Variants in PRX observed in about 807,000 individuals in gnomAD.
PRX encodes the protein periaxin.
PRX carries 24 observed loss-of-function variants against 29.6 expected under a neutral mutation model. The observed-to-expected ratio is 0.81, with a 90% confidence interval of 0.59 to 1.14. PRX has a LOEUF of 1.14. Ranked by LOEUF, PRX falls within the 50% of genes most tolerant of loss-of-function variation. The pLI is 0.00. For missense variants in PRX, 1,838 were observed against 1,926.4 expected, an observed-to-expected ratio of 0.95 and a Z score of 0.86; for synonymous variants, 772 against 831.7, an observed-to-expected ratio of 0.93 and a Z score of 1.24.
rs937051533 is a variant in PRX, at chr19:40,395,162, G to C, written c.3190C>G (p.Pro1064Ala). Residue 1064 changes from proline (P) to alanine (A), a missense_variant, in exon 7 of 7, where the codon CCT becomes GCT. Physicochemically the swap from Pro to Ala is conservative, Grantham distance 27. Coordinates refer to ENST00000324001, the MANE Select transcript of PRX (RefSeq NM_181882.3). ...GRVKMPKLKM[P>A]SFGLARGKEA... ...TTCCCTCGAGCCAGCCCAAAGGAAG[G>C]CATCTTCAGCTTGGGCATCTTCACC... The C allele has an allele frequency of 9.3e-6, 15 of 1,614,134 alleles. No individual in the cohort carries two copies. Among genetic ancestry groups the C allele is most frequent in the Non-Finnish European group, 1.3e-5 (15 of 1,180,018 alleles).
intron 1 of PRX, among the ~76,000 whole-genome samples, chr19:40,412,484 C>T (rs949159581): frequency 6.6e-6 from 1 of 152,170 alleles, no homozygotes; most frequent in South Asian, 2.1e-4. Context: ...TTAATATAAA[C>T]TCGTCTCTGA....
Position 40,395,814 on chromosome 19 carries a change from A to G in PRX, c.2538T>C (p.His846=), listed in dbSNP as rs754303975. Residue 846 remains histidine, a synonymous_variant, in exon 7 of 7, where the codon CAT becomes CAC. Transcript: ENST00000324001. ...CLQPEVDGEA[H]VGVPSLTLPS... ...GCAGAGTGAGAGAGGGGACACCCAC[A>G]TGAGCCTCACCATCCACCTCTGGCT... 3 of 1,614,160 alleles carry G rather than the reference A, an allele frequency of 1.9e-6. No homozygotes were observed. Among genetic ancestry groups the G allele is most frequent in the Admixed American group, 3.3e-5 (2 of 60,024 alleles).
chr19:40,403,974 G>A, intron 4 of PRX, 112 bp from the exon 5 acceptor site: 3 of 1,261,602 alleles, frequency 2.4e-6, no homozygotes, highest in Non-Finnish European at 3.3e-6. Flanking sequence ...TATATATTTA[G>A]AGACGGGGGT....
In PRX at chr19:40,403,725, C is replaced by G; in HGVS notation, c.165G>C (p.Arg55Ser). The G allele has an allele frequency of 6.4e-7, 1 of 1,564,744 alleles. No individual in the cohort carries two copies. Among genetic ancestry groups the G allele is most frequent in the East Asian group, 2.4e-5 (1 of 41,788 alleles). ...GCCCACCTTCCTGCAGGCTGAGGCT[C>G]CTGGCGGCGGGTGAGTCCTCGCGCA... ...RELREDSPAARSLSLQEGDQL... is the reference protein window; with the variant it reads ...RELREDSPAASSLSLQEGDQL... Residue 55 changes from arginine (R) to serine (S), a missense_variant, in exon 5 of 7, where the codon AGG becomes AGC. Coordinates refer to ENST00000324001, the MANE Select transcript of PRX (RefSeq NM_181882.3).
chr19:40,402,137 G>A (rs894191577), intron 5 of PRX, among the ~76,000 whole-genome samples: 8 of 152,114 alleles, frequency 5.3e-5, no homozygotes, highest in Middle Eastern at 3.4e-3. Context: ...CGGATCACGA[G>A]GTCAGAAGAT....
In PRX at chr19:40,396,175, T is replaced by C. The variant is rs2079433589; in HGVS notation, c.2177A>G (p.Glu726Gly). Residue 726 changes from glutamate (E) to glycine (G), a missense_variant, in exon 7 of 7, where the codon GAG becomes GGG. By Grantham distance (98) the Glu-to-Gly change is moderately conservative. Coordinates refer to ENST00000324001, the MANE Select transcript of PRX (RefSeq NM_181882.3). ...EMKVPDMKLP[E>G]IKLPKVPEMA... ...CTCAGGCACCTTGGGGAGTTTTATC[T>C]CTGGGAGCTTCATGTCAGGGACTTT... 1 of 1,612,994 alleles carries C rather than the reference T, an allele frequency of 6.2e-7. No homozygotes were observed. The highest frequency in any genetic ancestry group is 8.5e-7 in the Non-Finnish European group (1 of 1,179,512).
intron 1 of PRX, among the ~76,000 whole-genome samples, chr19:40,410,681 G>A (rs2079554411): frequency 6.6e-6 from 1 of 152,168 alleles, no homozygotes; most frequent in Admixed American, 6.5e-5. Flanking sequence ...GACCAGTCTG[G>A]CCAATATGGT....
chr19:40,409,382 G>A (rs1384387642), intron 1 of PRX, among the ~76,000 whole-genome samples: 9 of 151,958 alleles, frequency 5.9e-5, no homozygotes, highest in African/African-American at 2.2e-4. Context: ...TCGCAGGGCT[G>A]TTCCGAGGCT....
chr19:40,411,543 G>T (rs976971944), intron 1 of PRX, among the ~76,000 whole-genome samples: 3 of 152,146 alleles, frequency 2.0e-5, no homozygotes, highest in Non-Finnish European at 4.4e-5. Flanking sequence ...CCGGAGCCTG[G>T]CACAGGAAGT....
chr19:40,398,401 C>G lies in PRX; in HGVS notation c.381+219G>C. ...AAGCCTGGATCCGATGGTGGGGACG[C>G]CTCTCCGAGGTGGGTGAGGGCCCTG... On this transcript the variant is annotated intron_variant, in intron 6 of 6. Coordinates refer to ENST00000324001, the MANE Select transcript of PRX (RefSeq NM_181882.3). The surrounding 1 kb of genome is among the most constrained non-coding windows in gnomAD (Gnocchi z 6.3). 1 of 1,463,420 alleles carries G rather than the reference C, an allele frequency of 6.8e-7. No individual in the cohort carries two copies. The highest frequency in any genetic ancestry group is 9.0e-7 in the Non-Finnish European group (1 of 1,115,334). 90.7% of individuals were successfully genotyped at this position (1,463,420 alleles called of 1,614,324 possible).
Position 40,408,342 on chromosome 19 carries a change from G to T in PRX, c.-201C>A. The T allele has an allele frequency of 2.9e-6, 1 of 350,160 alleles. No individual in the cohort carries two copies. Among genetic ancestry groups the T allele is most frequent in the Non-Finnish European group, 5.5e-6 (1 of 182,870 alleles). 21.7% of individuals were successfully genotyped at this position (350,160 alleles called of 1,614,324 possible). Reference sequence around the variant, plus strand: ...ATATGGCACCAGCCTGCGCTCACCTGAGGGTCACCTCCAGCTCCTTGGGCC... The same window carrying T: ...ATATGGCACCAGCCTGCGCTCACCTTAGGGTCACCTCCAGCTCCTTGGGCC... On this transcript the variant is annotated splice_region_variant and 5_prime_UTR_variant, in exon 2 of 7. Coordinates refer to ENST00000324001, the MANE Select transcript of PRX (RefSeq NM_181882.3).
Position 40,394,930 on chromosome 19 carries a change from G to A in PRX, c.3422C>T (p.Ala1141Val), listed in dbSNP as rs201233076. The A allele has an allele frequency of 4.2e-5, 68 of 1,609,340 alleles. No individual in the cohort carries two copies. The East Asian group carries it at 7.6e-4, about 18-fold the overall frequency. Residue 1141 changes from alanine to valine, a missense_variant, in exon 7 of 7, where the codon GCG becomes GTG. Physicochemically the swap from Ala to Val is moderately conservative, Grantham distance 64. Coordinates refer to ENST00000324001, the MANE Select transcript of PRX (RefSeq NM_181882.3). The surrounding 1 kb of genome is among the most constrained non-coding windows in gnomAD (Gnocchi z 5.8). Reference sequence around the variant, plus strand: ...GCCCAGCGGAGGCATCCTCAGCCCCGCGTCATGGCCCTCAGTGACCACCTG... The same window carrying A: ...GCCCAGCGGAGGCATCCTCAGCCCCACGTCATGGCCCTCAGTGACCACCTG... ...AGQVVTEGHD[A>V]GLRMPPLGIS...
chr19:40,399,910 TTTC>T (rs879786080), intron 5 of PRX, among the ~76,000 whole-genome samples: 4,474 of 108,936 alleles, frequency 0.041, 100 homozygotes, highest in Middle Eastern at 0.062. Flanking sequence ...TTTCTTTTTC[TTTC>T]TTTCTTTCTT....
intron 5 of PRX, among the ~76,000 whole-genome samples, chr19:40,399,975 CTTTCTTTTCT>C (rs199869483): frequency 2.1e-5 from 3 of 142,670 alleles, no homozygotes; most frequent in East Asian, 2.0e-4. Flanking sequence ...GTCTGTCTGT[CTTTCTTTTCT>C]TTTCTTTTCT....
chr19:40,395,054 C>G lies in PRX; in HGVS notation c.3298G>C (p.Glu1100Gln). ...TCCTGGGCGCCCAGCGTGACCAGCT[C>G]CACCTCGGGGATCTTAAGCTGCACA... Reference protein sequence around the residue: ...TAVQLKIPEVELVTLGAQEEG... With the variant: ...TAVQLKIPEVQLVTLGAQEEG... Residue 1100 changes from glutamate to glutamine, a missense_variant, in exon 7 of 7, where the codon GAG (glutamate) becomes CAG (glutamine). Glu to Gln is a conservative substitution (Grantham distance 29). Transcript: ENST00000324001. 6.2e-7 allele frequency: 1 copy of G among 1,612,504 alleles called. No individual in the cohort carries two copies. The highest frequency in any genetic ancestry group is 1.1e-5 in the South Asian group (1 of 91,084).
rs998025771 is a variant in PRX at position 40,400,288 on chromosome 19, CT to C, written c.185-1473del. On this transcript the variant is annotated intron_variant, in intron 5 of 6. Coordinates refer to ENST00000324001, the MANE Select transcript of PRX (RefSeq NM_181882.3). Reference sequence around the variant, plus strand: ...TGAGCCACCGTGCCCAGCCCCTCCTCTTTTTTTTTTAAGACAAGATCTCGCC... The same window carrying C: ...TGAGCCACCGTGCCCAGCCCCTCCTCTTTTTTTTTAAGACAAGATCTCGCC... Among the ~76,000 whole-genome samples, 390 of 141,324 alleles carry C rather than the reference CT, an allele frequency of 2.8e-3. 2 individuals are homozygous for C. The highest frequency in any genetic ancestry group is 9.0e-3 in the African/African-American group (347 of 38,702). 92.7% of individuals were successfully genotyped at this position (141,324 alleles called of 152,430 possible).
intron 1 of PRX, among the ~76,000 whole-genome samples, chr19:40,412,526 T>C (rs540360656): frequency 6.6e-6 from 1 of 152,306 alleles, no homozygotes; most frequent in South Asian, 2.1e-4. Context: ...GGGAGGGAGC[T>C]GTGCTTCTCA....
intron 1 of PRX, among the ~76,000 whole-genome samples, chr19:40,410,587 G>A (rs1568718481): frequency 6.6e-6 from 1 of 152,168 alleles, no homozygotes; most frequent in Non-Finnish European, 1.5e-5. Context: ...AAAAACTCCA[G>A]CACGGGCTGG....
rs1599651549 is a variant in PRX, at chr19:40,395,153, CA to C, written c.3198del (p.Phe1066LeufsTer61). On this transcript the variant is annotated frameshift_variant, in exon 7 of 7. Transcript: ENST00000324001. LOFTEE classifies it low-confidence loss of function (END_TRUNC). Reference protein sequence around the residue: ...VKMPKLKMPSFGLARGKEAEV... With the variant: ...VKMPKLKMPSXGLARGKEAEV... Reference sequence around the variant, plus strand: ...TCTGCTTCCTTCCCTCGAGCCAGCCCAAAGGAAGGCATCTTCAGCTTGGGCA... The same window carrying C: ...TCTGCTTCCTTCCCTCGAGCCAGCCCAAGGAAGGCATCTTCAGCTTGGGCA... 1.2e-6 allele frequency: 2 copies of C among 1,614,188 alleles called. No individual in the cohort carries two copies. The highest frequency in any genetic ancestry group is 1.7e-5 in the Admixed American group (1 of 60,028).
Sources: gnomAD v4.1 joint callset for allele counts (sites outside exome capture counted in the v4.1 genomes callset) on GRCh38, gnomAD v4.1.1 for gene constraint, Gnocchi (gnomAD v3.1) non-coding constraint, MANE v1.5 for transcripts, NCBI Gene and HGNC (gene_info 2026-07-23, HGNC 2026-07-21) for gene names.